The following GRID2 variants were observed in gnomAD, a reference collection of about 807,000 sequenced individuals.
GRID2 encodes the protein glutamate receptor ionotropic, delta-2.
GRID2 carries 33 observed loss-of-function variants against 114.8 expected under a neutral mutation model. The ratio of observed to expected loss-of-function variants is 0.29; its 90% CI spans 0.22 to 0.38. The LOEUF (loss-of-function observed/expected upper bound fraction) is 0.38. Among genes scored for constraint, GRID2 ranks in the 10% least tolerant of loss-of-function variants. The pLI, the probability that GRID2 is intolerant of heterozygous loss-of-function variation, is 1.00. For synonymous variants in GRID2, 505 were observed against 449.9 expected, an observed-to-expected ratio of 1.12 and a Z score of -1.55; for missense variants, 1,184 against 1,257.7, an observed-to-expected ratio of 0.94 and a Z score of 0.89.
intron 4 of GRID2, among the ~76,000 whole-genome samples, chr4:93,138,317 T>G (rs549823448): frequency 1.3e-5 from 2 of 151,696 alleles, no homozygotes; most frequent in South Asian, 2.1e-4. Flanking sequence ...AGTTTGTTTT[T>G]GTACCATATT....
At chr4:92,550,957 C>T (rs1399216254) in intron 1 of GRID2, among the ~76,000 whole-genome samples, 4 of 152,074 alleles carry the variant, frequency 2.6e-5, no homozygotes, top group African/African-American at 7.2e-5. Context: ...AATTGTTTCT[C>T]CATAAACAAT....
At chr4:92,942,162 A>C (rs972409902) in intron 2 of GRID2, among the ~76,000 whole-genome samples, 1 of 152,170 alleles carries the variant, frequency 6.6e-6, no homozygotes, top group Non-Finnish European at 1.5e-5. Flanking sequence ...TAATGTTGAC[A>C]GTGGGGTGTT....
chr4:92,922,124 G>C (rs552956449), intron 2 of GRID2, among the ~76,000 whole-genome samples: 12 of 152,152 alleles, frequency 7.9e-5, no homozygotes, highest in African/African-American at 2.4e-4. Context: ...GTGAGGCTCC[G>C]TGGGTGTAGG....
At chr4:93,485,994 A>T (rs1413310320) in intron 11 of GRID2, among the ~76,000 whole-genome samples, 1 of 151,744 alleles carries the variant, frequency 6.6e-6, no homozygotes, top group Non-Finnish European at 1.5e-5. Context: ...CAATCAATGA[A>T]CATGCTATAT....
intron 2 of GRID2, among the ~76,000 whole-genome samples, chr4:92,626,268 A>C (rs1031715665): frequency 6.6e-6 from 1 of 151,962 alleles, no homozygotes; most frequent in African/African-American, 2.4e-5. Context: ...CACAAAATGT[A>C]ACCTTTAACA....
At chr4:92,779,374 T>G (rs983281903) in intron 2 of GRID2, among the ~76,000 whole-genome samples, 3 of 152,124 alleles carry the variant, frequency 2.0e-5, no homozygotes, top group African/African-American at 7.2e-5. Flanking sequence ...AATAATATTT[T>G]GAATGAAAAT....
At chr4:92,961,525 CTGA>C (rs1309667857) in intron 2 of GRID2, among the ~76,000 whole-genome samples, 4 of 151,320 alleles carry the variant, frequency 2.6e-5, no homozygotes, top group African/African-American at 7.3e-5. Context: ...TTCATAGTTT[CTGA>C]TAAGTCAGAT....
At chr4:93,631,280 A>T (rs1192960228) in intron 14 of GRID2, among the ~76,000 whole-genome samples, 3 of 151,622 alleles carry the variant, frequency 2.0e-5, no homozygotes, top group Non-Finnish European at 4.4e-5. Flanking sequence ...GGTTTGTTAC[A>T]TATGTATACA....
At position 93,216,866 on chromosome 4, in the gene GRID2, T is replaced by G. The variant is rs771206137; in HGVS notation, c.918T>G (p.Ser306=). The G allele has an allele frequency of 1.9e-6, 3 of 1,612,870 alleles. No homozygotes were observed. In the South Asian group the frequency reaches 3.3e-5, roughly 18 times the overall value. Residue 306 remains serine (S), a synonymous_variant, in exon 6 of 16, where the codon TCT becomes TCG. Coordinates refer to ENST00000282020, the MANE Select transcript of GRID2 (RefSeq NM_001510.4). ...GTTTCCGTGGCAACCATCGAATATC[T>G]TCAACATTGTGTGATCCAAAGGATC... ...QRCFRGNHRI[S]STLCDPKDPF...
intron 1 of GRID2, among the ~76,000 whole-genome samples, chr4:92,506,611 T>TA (rs1001067981): frequency 2.4e-4 from 36 of 151,940 alleles, no homozygotes; most frequent in Admixed American, 1.8e-3. Flanking sequence ...GTCTTTTTTT[T>TA]ATTAGATTAA....
intron 4 of GRID2, among the ~76,000 whole-genome samples, chr4:93,132,800 G>C (rs1043393570): frequency 2.6e-5 from 4 of 152,092 alleles, no homozygotes; most frequent in Admixed American, 2.6e-4. Context: ...AAAAGTGCTC[G>C]ATGTGCTTCG....
chr4:92,597,784 A>T (rs2149216701), intron 2 of GRID2, among the ~76,000 whole-genome samples: 1 of 152,252 alleles, frequency 6.6e-6, no homozygotes, highest in African/African-American at 2.4e-5. Context: ...TCTTAAATTA[A>T]CTCTGAATAT....
At chr4:92,353,818 G>C (rs148087492) in intron 1 of GRID2, among the ~76,000 whole-genome samples, 84 of 152,006 alleles carry the variant, frequency 5.5e-4, no homozygotes, top group African/African-American at 1.9e-3. Context: ...CCCTGGTCAC[G>C]CACATGACTT....
chr4:92,390,827 G>A (rs571006542), intron 1 of GRID2, among the ~76,000 whole-genome samples: 84 of 151,924 alleles, frequency 5.5e-4, no homozygotes, highest in Middle Eastern at 6.8e-3. Flanking sequence ...CAATTTTATC[G>A]TATATATTTT....
intron 14 of GRID2, among the ~76,000 whole-genome samples, chr4:93,645,071 A>C (rs934484134): frequency 6.6e-6 from 1 of 152,170 alleles, no homozygotes; most frequent in South Asian, 2.1e-4. Context: ...GAGTGAAAAA[A>C]TTCATGAATG....
chr4:93,462,826 T>A (rs577967234), intron 11 of GRID2, among the ~76,000 whole-genome samples: 8 of 152,334 alleles, frequency 5.3e-5, no homozygotes, highest in African/African-American at 1.9e-4. Context: ...CATTTCTTTA[T>A]ATTGTTACCT....
chr4:93,525,839 C>G (rs565096220), intron 13 of GRID2, among the ~76,000 whole-genome samples: 2 of 152,182 alleles, frequency 1.3e-5, no homozygotes, highest in Middle Eastern at 3.4e-3. Flanking sequence ...GATTTTCCAG[C>G]TTTCTAGTTC....
intron 2 of GRID2, among the ~76,000 whole-genome samples, chr4:92,674,521 A>G (rs1427376114): frequency 6.6e-6 from 1 of 151,716 alleles, no homozygotes; most frequent in Non-Finnish European, 1.5e-5. Flanking sequence ...TTGTTTATTT[A>G]TTATTACTAT....
chr4:92,548,743 C>A (rs771355932), intron 1 of GRID2, among the ~76,000 whole-genome samples: 2 of 151,980 alleles, frequency 1.3e-5, no homozygotes, highest in African/African-American at 2.4e-5. Context: ...CATGATTTCA[C>A]AGGCTGTAAA....
Sources: allele counts gnomAD v4.1 joint callset (sites outside exome capture counted in the v4.1 genomes callset), GRCh38; gene constraint gnomAD v4.1.1; transcripts MANE v1.5; gene names NCBI Gene and HGNC (gene_info 2026-07-23, HGNC 2026-07-21).